Variants in DAAM2 observed in about 807,000 individuals in gnomAD.
DAAM2 encodes dishevelled associated activator of morphogenesis 2, also known as disheveled-associated activator of morphogenesis 2.
DAAM2 carries 39 observed loss-of-function variants against 120.7 expected under a neutral mutation model. The observed-to-expected ratio is 0.32, with a 90% CI of 0.25 to 0.42. DAAM2 has a LOEUF of 0.42. Ranked by LOEUF, DAAM2 falls within the 10% of genes least tolerant of loss-of-function variation. The pLI is 1.00. For synonymous variants in DAAM2, 488 were observed against 524.9 expected, an observed-to-expected ratio of 0.93 and a Z score of 0.96; for missense variants, 1,283 against 1,401.7, an observed-to-expected ratio of 0.92 and a Z score of 1.35.
chr6:39,889,888 G>C lies in DAAM2; in HGVS notation c.2145+1125G>C, dbSNP rs569832969. Among the ~76,000 whole-genome samples, 9 of 152,336 alleles carry C rather than the reference G, an allele frequency of 5.9e-5. No individual in the cohort carries two copies. The East Asian group carries it at 1.4e-3, about 23-fold the overall frequency. On this transcript the variant is annotated intron_variant, in intron 17 of 24. Coordinates refer to ENST00000274867, the MANE Select transcript of DAAM2 (RefSeq NM_001201427.2). ...CATGCCTGTAATCCCAGCACTTTGG[G>C]AGGCTGAGGTGGACAAATTACTTGA...
intron 1 of DAAM2, among the ~76,000 whole-genome samples, chr6:39,830,354 G>A (rs1288574091): frequency 6.6e-6 from 1 of 152,194 alleles, no homozygotes; most frequent in Admixed American, 6.5e-5. Flanking sequence ...CCACAGGCTG[G>A]AGTCGCTGGG....
At chr6:39,870,485 C>T in intron 8 of DAAM2, 42 bp downstream of exon 8, 1 of 1,284,638 alleles carries the variant, frequency 7.8e-7, no homozygotes, top group South Asian at 1.3e-5. Context: ...CCTGTGGGGA[C>T]AGTGCCTCAG....
Position 39,873,061 on chromosome 6 carries a change from A to C in DAAM2, c.1045-177A>C, listed in dbSNP as rs181618211. Among the ~76,000 whole-genome samples the C allele has an allele frequency of 2.6e-5, 4 of 152,336 alleles. No individual in the cohort carries two copies. In the East Asian group the frequency reaches 7.7e-4, roughly 29 times the overall value. Reference sequence around the variant, plus strand: ...TGCTGAGACTGAGAAACTCTAGTTTATAAAATTGACTATCTCCCTGTTCCT... The same window carrying C: ...TGCTGAGACTGAGAAACTCTAGTTTCTAAAATTGACTATCTCCCTGTTCCT... On this transcript the variant is annotated intron_variant, in intron 9 of 24. Transcript: ENST00000274867.
chr6:39,823,128 A>C (rs1347253603), intron 1 of DAAM2: 2 of 152,166 alleles, frequency 1.3e-5, no homozygotes, highest in Non-Finnish European at 2.9e-5. Context: ...GCAAGTTGGC[A>C]CCGAGTGGTT....
Position 39,867,520 on chromosome 6 carries a change from C to G in DAAM2, c.439C>G (p.Arg147Gly). Reference sequence around the variant, plus strand: ...GGCTCTGATTTGTAGGTTTGTGACCCGCTTCATTGAGCTGGAGGGCTTGAC... The same window carrying G: ...GGCTCTGATTTGTAGGTTTGTGACCGGCTTCATTGAGCTGGAGGGCTTGAC... ...LRTQPMRFVT[R>G]FIELEGLTCL... is the part of the protein sequence containing the mutation. The change falls in exon 6 of 25, where the codon CGC (arginine) becomes GGC (glycine). Residue 147 changes from arginine to glycine, a missense_variant. Around this residue, in one of 3 missense-constraint regions of DAAM2, gnomAD observed 338 missense variants for 443.9 expected, o/e 0.76. Coordinates refer to ENST00000274867, the MANE Select transcript of DAAM2 (RefSeq NM_001201427.2). 6.2e-7 allele frequency: 1 copy of G among 1,613,650 alleles called. No individual in the cohort carries two copies. The highest frequency in any genetic ancestry group is 8.5e-7 in the Non-Finnish European group (1 of 1,179,580).
intron 14 of DAAM2, chr6:39,883,757 G>A (rs1340566459): frequency 1.8e-6 from 1 of 541,774 alleles, no homozygotes. Context: ...GGGAGGAAAA[G>A]GGGGTTGTCT....
At chr6:39,843,320 G>C (rs1050196674) in intron 1 of DAAM2, among the ~76,000 whole-genome samples, 2 of 152,158 alleles carry the variant, frequency 1.3e-5, no homozygotes, top group African/African-American at 2.4e-5. Flanking sequence ...GGAGTGGGGT[G>C]CGATGGGGAA....
At position 39,826,285 on chromosome 6, in the gene DAAM2, C is replaced by T. The variant is rs551589450; in HGVS notation, c.-56-29962C>T. Among the ~76,000 whole-genome samples the T allele has an allele frequency of 6.6e-5, 10 of 151,752 alleles. No homozygotes were observed. In the South Asian group the frequency reaches 1.5e-3, roughly 22 times the overall value. On this transcript the variant is annotated intron_variant, in intron 1 of 24. Coordinates refer to ENST00000274867, the MANE Select transcript of DAAM2 (RefSeq NM_001201427.2). ...GCAGATTTTTTTTTTATTTTACTTT[C>T]GAGGGTCTTCTCCTTACCTGCTGGA...
Position 39,902,253 on chromosome 6 carries a change from C to A in DAAM2, c.*216C>A. Reference sequence around the variant, plus strand: ...CCCTTCACATGATTCCTTCTGTGCCCTGGCCCCAGGTATTATTCTGAGGCT... The same window carrying A: ...CCCTTCACATGATTCCTTCTGTGCCATGGCCCCAGGTATTATTCTGAGGCT... On this transcript the variant is annotated 3_prime_UTR_variant, in exon 25 of 25. Coordinates refer to ENST00000274867, the MANE Select transcript of DAAM2 (RefSeq NM_001201427.2). 1 of 456,386 alleles carries A rather than the reference C, an allele frequency of 2.2e-6. No homozygotes were observed. The highest frequency in any genetic ancestry group is 3.9e-5 in the Admixed American group (1 of 25,322). The allele number at this position is 456,386 out of a possible 1,614,324, so 28.3% of individuals were successfully genotyped here. A position where few individuals can be genotyped will look rare whatever the true frequency, so the allele number is the denominator to read the frequency against.
chr6:39,826,669 T>G (rs576672474), intron 1 of DAAM2, among the ~76,000 whole-genome samples: 1 of 152,314 alleles, frequency 6.6e-6, no homozygotes, highest in African/African-American at 2.4e-5. Context: ...CACTTCATAT[T>G]AGGACTGTTT....
intron 1 of DAAM2, among the ~76,000 whole-genome samples, chr6:39,855,076 A>T (rs1363933863): frequency 6.6e-6 from 1 of 152,228 alleles, no homozygotes; most frequent in African/African-American, 2.4e-5. Context: ...CTCAACAGGG[A>T]TAAAAACAGA....
intron 1 of DAAM2, among the ~76,000 whole-genome samples, chr6:39,804,209 G>A (rs1386130598): frequency 6.6e-6 from 1 of 152,144 alleles, no homozygotes; most frequent in African/African-American, 2.4e-5. Flanking sequence ...TTCAAATGGC[G>A]CTCTGACGAG....
intron 1 of DAAM2, among the ~76,000 whole-genome samples, chr6:39,815,758 A>G (rs1324615485): frequency 6.6e-6 from 1 of 152,162 alleles, no homozygotes; most frequent in Non-Finnish European, 1.5e-5. Context: ...TTGTATTACA[A>G]CAATTCAGAA....
intron 8 of DAAM2, 126 bp from the exon 9 acceptor site, chr6:39,871,380 G>T (rs1582709067): frequency 1.2e-6 from 1 of 829,524 alleles, no homozygotes; most frequent in Non-Finnish European, 2.0e-6. Context: ...TTCCCATTTT[G>T]CCTTCATTTT....
At position 39,866,936 on chromosome 6, in the gene DAAM2, T is replaced by G. The variant is rs144463381; in HGVS notation, c.429-574T>G. The stretch of plus-strand genomic sequence containing the variant: ...CCAAAAATAAAAATGTAATTTTCTT[T>G]TCCCACCCAAGTCCTTGGATCTGTG... On this transcript the variant is annotated intron_variant, in intron 5 of 24. Coordinates refer to ENST00000274867, the MANE Select transcript of DAAM2 (RefSeq NM_001201427.2). Among the ~76,000 whole-genome samples the G allele has an allele frequency of 2.5e-3, 377 of 152,372 alleles. 18 individuals carry two copies. The East Asian group carries it at 0.06, about 24-fold the overall frequency.
chr6:39,867,469 T>C, intron 5 of DAAM2, 41 bp from the exon 6 acceptor site: 1 of 1,588,906 alleles, frequency 6.3e-7, no homozygotes, highest in Non-Finnish European at 8.6e-7. Flanking sequence ...GTACACAGAA[T>C]CATATGCAAA....
intron 11 of DAAM2, among the ~76,000 whole-genome samples, chr6:39,876,404 T>C (rs535111003): frequency 8.5e-5 from 13 of 152,348 alleles, no homozygotes; most frequent in Non-Finnish European, 1.9e-4. Flanking sequence ...AAAATCCTAA[T>C]TGGTATGTTG....
intron 1 of DAAM2, among the ~76,000 whole-genome samples, chr6:39,794,292 T>C (rs2113973069): frequency 6.6e-6 from 1 of 152,268 alleles, no homozygotes; most frequent in African/African-American, 2.4e-5. Flanking sequence ...GGATAAATGG[T>C]CTATTTCTTC....
chr6:39,846,122 T>C (rs1763578954), intron 1 of DAAM2, among the ~76,000 whole-genome samples: 1 of 152,026 alleles, frequency 6.6e-6, no homozygotes, highest in Admixed American at 6.6e-5. Context: ...CATTAGGGAT[T>C]GAAGACAAAG....
Sources: allele counts gnomAD v4.1 joint callset (sites outside exome capture counted in the v4.1 genomes callset), GRCh38; gene constraint gnomAD v4.1.1; regional missense constraint gnomAD v4.1.1; transcripts MANE v1.5; gene names NCBI Gene and HGNC (gene_info 2026-07-23, HGNC 2026-07-21).